The following ACTR3C variants were observed in gnomAD, a reference collection of about 807,000 sequenced individuals.
The protein encoded by ACTR3C is actin related protein 3C, also known as actin-related protein 3C.
Under a neutral mutation model 26.3 loss-of-function variants are expected in ACTR3C, and 18 were observed. The ratio of observed to expected loss-of-function variants is 0.68; its 90% CI spans 0.47 to 1.01. The LOEUF (loss-of-function observed/expected upper bound fraction) is 1.01, where lower values mean the gene tolerates loss of function less well. Among genes scored for constraint, ACTR3C ranks in the 50% least tolerant of loss-of-function variants. ACTR3C has a pLI of 0.00. For missense variants in ACTR3C, 184 were observed against 250.7 expected (o/e 0.73, Z 1.80); for synonymous variants, 55 against 94.5 (o/e 0.58, Z 2.42).
the ACTR3C span, among the ~76,000 whole-genome samples, chr7:150,000,311 C>T: frequency 7.4e-5 from 10 of 134,318 alleles, no homozygotes; most frequent in Non-Finnish European, 1.6e-4. Flanking sequence ...TGCACACTAG[C>T]GATTTCCTTT....
the ACTR3C span, among the ~76,000 whole-genome samples, chr7:150,234,386 T>C: frequency 9.2e-5 from 14 of 152,192 alleles, no homozygotes; most frequent in Admixed American, 2.6e-4. Flanking sequence ...GTCTTTGTTA[T>C]GGAGAATATT....
the ACTR3C span, among the ~76,000 whole-genome samples, chr7:150,159,812 T>TG: frequency 6.6e-6 from 1 of 152,134 alleles, no homozygotes; most frequent in African/African-American, 2.4e-5. Flanking sequence ...GTTTTTTTGT[T>TG]TTTTGAGATG....
chr7:149,932,015 C>T, the ACTR3C span, among the ~76,000 whole-genome samples: 2 of 152,158 alleles, frequency 1.3e-5, no homozygotes, highest in Non-Finnish European at 1.5e-5. Flanking sequence ...GTTATATCCA[C>T]ATAAAAACTT....
At chr7:149,908,195 G>A in the ACTR3C span, among the ~76,000 whole-genome samples, 24 of 152,114 alleles carry the variant, frequency 1.6e-4, no homozygotes, top group Non-Finnish European at 2.9e-4. Flanking sequence ...GAGGCCTCAC[G>A]GGAAACCAAC....
At chr7:149,897,061 C>CAAA in the ACTR3C span, among the ~76,000 whole-genome samples, 13 of 50,986 alleles carry the variant, frequency 2.5e-4, no homozygotes, top group Admixed American at 4.6e-4. Context: ...ACACCGTCTC[C>CAAA]AAAAAAAAAA....
the ACTR3C span, among the ~76,000 whole-genome samples, chr7:150,008,965 T>C: frequency 6.6e-6 from 1 of 152,148 alleles, no homozygotes; most frequent in South Asian, 2.1e-4. Context: ...CACCAGTGTC[T>C]CAGAAGAGAG....
chr7:150,144,814 G>A, the ACTR3C span, among the ~76,000 whole-genome samples: 2 of 152,124 alleles, frequency 1.3e-5, no homozygotes, highest in East Asian at 3.9e-4. The surrounding 1 kb of genome is among the most constrained non-coding windows in gnomAD (Gnocchi z 4.6). Flanking sequence ...GTGGGAGGCC[G>A]AGGTGGGCAG....
At chr7:150,134,003 G>A in the ACTR3C span, among the ~76,000 whole-genome samples, 1 of 152,090 alleles carries the variant, frequency 6.6e-6, no homozygotes, top group African/African-American at 2.4e-5. Context: ...CTCCCAAAGT[G>A]CTGGGATTAC....
the ACTR3C span, among the ~76,000 whole-genome samples, chr7:150,097,646 C>T: frequency 6.6e-6 from 1 of 151,648 alleles, no homozygotes; most frequent in Admixed American, 6.6e-5. Context: ...CTTTTGCCCT[C>T]TTTCCTTTTT....
chr7:150,270,762 C>A lies in ACTR3C; in HGVS notation c.564+13991G>T, dbSNP rs563416235. On this transcript the variant is annotated intron_variant, in intron 6 of 7. Transcript: ENST00000683684. ...CTGTGCTGAGCTGAAATCTGGTACC[C>A]ACCTGGCCCTGGTTTCTCTCTTTCC... Among the ~76,000 whole-genome samples, 196 of 151,788 alleles carry A rather than the reference C, an allele frequency of 1.3e-3. 1 individual carries two copies. The highest frequency in any genetic ancestry group is 4.5e-3 in the African/African-American group (186 of 41,288).
the ACTR3C span, among the ~76,000 whole-genome samples, chr7:150,033,844 C>T: frequency 2.0e-5 from 3 of 150,898 alleles, no homozygotes; most frequent in Admixed American, 6.6e-5. Flanking sequence ...TGGGGGGTGC[C>T]TCCGCCCCCA....
chr7:149,992,058 G>A, the ACTR3C span, among the ~76,000 whole-genome samples: 42 of 147,364 alleles, frequency 2.9e-4, 4 homozygotes, highest in South Asian at 9.3e-3. Context: ...TACATTGAGT[G>A]TTTGTTATGT....
chr7:149,904,278 TCC>T, the ACTR3C span, among the ~76,000 whole-genome samples: 8 of 150,102 alleles, frequency 5.3e-5, no homozygotes, highest in African/African-American at 1.9e-4. Flanking sequence ...ACTCCTGTAA[TCC>T]CAGCACGCTG....
chr7:150,041,278 C>T, the ACTR3C span: 3 of 151,032 alleles, frequency 2.0e-5, no homozygotes, highest in African/African-American at 7.4e-5. Context: ...TACAAAACCC[C>T]ACAGCTCCTA....
the ACTR3C span, among the ~76,000 whole-genome samples, chr7:149,983,245 G>C: frequency 6.6e-6 from 1 of 151,410 alleles, no homozygotes; most frequent in Non-Finnish European, 1.5e-5. Flanking sequence ...AAAAGCACAA[G>C]AAACAAAAGC....
At chr7:150,035,549 T>G in the ACTR3C span, among the ~76,000 whole-genome samples, 1 of 113,128 alleles carries the variant, frequency 8.8e-6, no homozygotes, top group Non-Finnish European at 1.9e-5. Context: ...CCTCCTGCGA[T>G]GGGGGTCCGC....
chr7:150,277,121 T>C (rs1301682371), intron 6 of ACTR3C, among the ~76,000 whole-genome samples: 1 of 152,198 alleles, frequency 6.6e-6, no homozygotes. Flanking sequence ...GTTTCCAGCC[T>C]GCCAGCCTTC....
At chr7:149,979,771 A>T in the ACTR3C span, among the ~76,000 whole-genome samples, 1 of 151,346 alleles carries the variant, frequency 6.6e-6, no homozygotes. Flanking sequence ...TAAGCAAGAA[A>T]TTCTTTTAAT....
chr7:150,036,807 C>G, the ACTR3C span, among the ~76,000 whole-genome samples: 1 of 136,940 alleles, frequency 7.3e-6, no homozygotes, highest in East Asian at 1.9e-4. Flanking sequence ...CTAACACCCA[C>G]AGTCCTCCAG....
Sources: gnomAD v4.1 joint callset for allele counts (sites outside exome capture counted in the v4.1 genomes callset) on GRCh38, gnomAD v4.1.1 for gene constraint, Gnocchi (gnomAD v3.1) non-coding constraint, MANE v1.5 for transcripts, NCBI Gene and HGNC (gene_info 2026-07-23, HGNC 2026-07-21) for gene names.